P4HA3: variants seen among roughly 807,000 people sequenced by gnomAD.
P4HA3 encodes prolyl 4-hydroxylase subunit alpha 3.
P4HA3 carries 60 observed loss-of-function variants against 66.7 expected under a neutral mutation model. That is an observed-to-expected ratio of 0.90 (90% CI 0.73 to 1.12). The LOEUF (loss-of-function observed/expected upper bound fraction) is 1.12, where lower values mean the gene tolerates loss of function less well. Ranked by LOEUF, P4HA3 falls within the 50% of genes most tolerant of loss-of-function variation. The pLI is 0.00. For missense variants in P4HA3, 683 were observed against 685.8 expected (o/e 1.00, Z 0.05); for synonymous variants, 263 against 274.6 (o/e 0.96, Z 0.42).
intron 15 of P4HA3, chr11:74,251,892 G>A: frequency 1.1e-6 from 1 of 870,236 alleles, no homozygotes. Flanking sequence ...ATGGTTGGTT[G>A]TTTCTTTGTG....
At chr11:74,257,086 C>A (rs559606293) in intron 15 of P4HA3, among the ~76,000 whole-genome samples, 6 of 152,240 alleles carry the variant, frequency 3.9e-5, no homozygotes, top group African/African-American at 1.4e-4. Context: ...GTAACTAAAC[C>A]TATTTGGAAA....
In P4HA3 at chr11:74,273,557, T is replaced by C. The variant is rs756449182; in HGVS notation, c.1386A>G (p.Thr462=). The C allele has an allele frequency of 4.5e-6, 7 of 1,559,992 alleles. No homozygotes were observed. The South Asian group carries it at 8.6e-5, about 19-fold the overall frequency. The change falls in exon 10 of 13, where the codon ACA becomes ACG. Residue 462 remains threonine, a synonymous_variant. Transcript: ENST00000331597. ...YRMKSGNRVA[T]FMIYLSSVEA... ...GAGCAATACTCACATAGATCATAAA[T>C]GTTGCAACTCGGTTTCCTGACTTCA...
intron 11 of P4HA3, 145 bp from the exon 12 acceptor site, chr11:74,268,386 A>C: frequency 1.5e-6 from 1 of 679,356 alleles, no homozygotes; most frequent in Non-Finnish European, 2.6e-6. Flanking sequence ...ATGGCACAAA[A>C]TGGCATAAGT....
At chr11:74,310,371 T>G (rs1219889142) in intron 1 of P4HA3, among the ~76,000 whole-genome samples, 1 of 152,256 alleles carries the variant, frequency 6.6e-6, no homozygotes, top group South Asian at 2.1e-4. Context: ...AAAACTATAT[T>G]AGCTGAGCAT....
At chr11:74,283,774 C>T (rs901011846) in intron 7 of P4HA3, among the ~76,000 whole-genome samples, 10 of 152,364 alleles carry the variant, frequency 6.6e-5, no homozygotes, top group African/African-American at 2.4e-4. Context: ...CCTTCTTTCT[C>T]TGATAGATGT....
intron 4 of P4HA3, among the ~76,000 whole-genome samples, chr11:74,296,563 G>A (rs1387378701): frequency 6.6e-6 from 1 of 152,108 alleles, no homozygotes; most frequent in Non-Finnish European, 1.5e-5. Context: ...GGGGAGTGAG[G>A]AGAACTCAGG....
intron 1 of P4HA3, among the ~76,000 whole-genome samples, chr11:74,306,961 T>C (rs932159215): frequency 2.6e-5 from 4 of 152,190 alleles, no homozygotes; most frequent in Non-Finnish European, 4.4e-5. Flanking sequence ...CATTGTCTCC[T>C]GCTTTGGCTC....
At chr11:74,289,228 T>G in intron 4 of P4HA3, 98 bp from the exon 5 acceptor site, 1 of 1,057,912 alleles carries the variant, frequency 9.5e-7, no homozygotes, top group Non-Finnish European at 1.3e-6. Flanking sequence ...GATAAAATAT[T>G]CTTACCATAA....
chr11:74,288,580 T>C (rs1056129470), intron 5 of P4HA3, among the ~76,000 whole-genome samples: 1 of 152,146 alleles, frequency 6.6e-6, no homozygotes, highest in African/African-American at 2.4e-5. Flanking sequence ...AACTTAAAAA[T>C]TTCCCCCTGA....
intron 7 of P4HA3, among the ~76,000 whole-genome samples, chr11:74,284,537 A>C (rs1860718045): frequency 6.6e-6 from 1 of 152,226 alleles, no homozygotes; most frequent in African/African-American, 2.4e-5. Flanking sequence ...AATTTAATTT[A>C]ATCATGATTG....
In P4HA3 at chr11:74,289,135, T is replaced by TAAA. The variant is rs35776286; in HGVS notation, c.718-8_718-6dup. 6.3e-4 allele frequency: 870 copies of TAAA among 1,377,060 alleles called. No homozygotes were observed. Among genetic ancestry groups the TAAA allele is most frequent in the South Asian group, 1.4e-3 (100 of 72,828 alleles). 85.3% of individuals were successfully genotyped at this position (1,377,060 alleles called of 1,614,324 possible). On this transcript the variant is annotated splice_polypyrimidine_tract_variant and splice_region_variant and intron_variant, in intron 4 of 12. Coordinates refer to ENST00000331597, the MANE Select transcript of P4HA3 (RefSeq NM_182904.5). ...GGCACACGAAACATTTCCTGCCTGTTAAAAAAAAAAAAAAGAAAAGAAAGC... is the reference window on the plus strand; with the variant it reads ...GGCACACGAAACATTTCCTGCCTGTTAAAAAAAAAAAAAAAAAGAAAAGAAAGC...
intron 10 of P4HA3, among the ~76,000 whole-genome samples, chr11:74,270,062 T>C (rs1041242623): frequency 3.3e-5 from 5 of 151,360 alleles, no homozygotes; most frequent in African/African-American, 9.7e-5. Flanking sequence ...CACACACACA[T>C]ACACACACAC....
At chr11:74,281,927 A>T (rs562745139) in intron 7 of P4HA3, among the ~76,000 whole-genome samples, 268 of 108,318 alleles carry the variant, frequency 2.5e-3, no homozygotes, top group Middle Eastern at 0.017. Context: ...AATAAAAAAT[A>T]AATAAAATGC....
At chr11:74,278,126 C>T (rs1344085992) in intron 8 of P4HA3, among the ~76,000 whole-genome samples, 2 of 152,150 alleles carry the variant, frequency 1.3e-5, no homozygotes, top group Non-Finnish European at 2.9e-5. Flanking sequence ...CTGGGAAGCA[C>T]AGAGGAAGGA....
intron 15 of P4HA3, among the ~76,000 whole-genome samples, chr11:74,259,497 A>G (rs984764986): frequency 6.6e-5 from 10 of 152,248 alleles, no homozygotes; most frequent in African/African-American, 2.4e-5. Context: ...TGAACAGTTC[A>G]GTGGCATTAA....
intron 4 of P4HA3, among the ~76,000 whole-genome samples, chr11:74,296,499 G>A (rs1861217343): frequency 6.6e-6 from 1 of 152,212 alleles, no homozygotes; most frequent in Non-Finnish European, 1.5e-5. Flanking sequence ...TGCCTTATGT[G>A]TTCTGTTACT....
At chr11:74,274,002 CT>C (rs886883688) in intron 9 of P4HA3, among the ~76,000 whole-genome samples, 41 of 148,064 alleles carry the variant, frequency 2.8e-4, no homozygotes, top group African/African-American at 5.9e-4. Context: ...GAGACATACT[CT>C]TTTTTTTTTG....
At chr11:74,258,705 A>C (rs1783538) in intron 15 of P4HA3, among the ~76,000 whole-genome samples, 2 of 151,436 alleles carry the variant, frequency 1.3e-5, no homozygotes, top group Admixed American at 1.3e-4. Context: ...AGGACCTGAT[A>C]ATGAGAGGAA....
intron 4 of P4HA3, among the ~76,000 whole-genome samples, chr11:74,292,843 G>T (rs557048810): frequency 6.6e-6 from 1 of 152,260 alleles, no homozygotes; most frequent in African/African-American, 2.4e-5. Flanking sequence ...TTTTACATTT[G>T]CTGAGGAGTG....
Sources: allele counts gnomAD v4.1 joint callset (sites outside exome capture counted in the v4.1 genomes callset), GRCh38; gene constraint gnomAD v4.1.1; transcripts MANE v1.5; gene names NCBI Gene and HGNC (gene_info 2026-07-23, HGNC 2026-07-21).